Variants in CFTR observed in about 807,000 individuals in gnomAD.
CFTR encodes the protein cystic fibrosis transmembrane conductance regulator.
A neutral mutation model predicts 171.6 loss-of-function variants in CFTR; 181 were observed. The ratio of observed to expected loss-of-function variants is 1.05; its 90% CI spans 0.93 to 1.19. CFTR has a LOEUF of 1.19. CFTR is among the 50% of genes most tolerant of loss of function. CFTR has a pLI of 0.00. For missense variants in CFTR, 1,968 were observed against 1,734.7 expected, an observed-to-expected ratio of 1.13 and a Z score of -2.39; for synonymous variants, 583 against 608.0, an observed-to-expected ratio of 0.96 and a Z score of 0.60.
intron 11 of CFTR, among the ~76,000 whole-genome samples, chr7:117,570,429 A>G (rs1439904327): frequency 6.6e-6 from 1 of 152,174 alleles, no homozygotes; most frequent in Non-Finnish European, 1.5e-5. Flanking sequence ...GCTTTTCTTT[A>G]TGGGGAAGTG....
intron 1 of CFTR, among the ~76,000 whole-genome samples, chr7:117,495,707 C>A (rs910913697): frequency 6.6e-6 from 1 of 152,046 alleles, no homozygotes; most frequent in Non-Finnish European, 1.5e-5. Context: ...CTGTAGCCAC[C>A]CAGCCATTGA....
intron 24 of CFTR, among the ~76,000 whole-genome samples, chr7:117,660,960 A>C (rs1003737579): frequency 6.6e-6 from 1 of 152,166 alleles, no homozygotes; most frequent in Non-Finnish European, 1.5e-5. Context: ...ATAAACTCTC[A>C]TTAAGAGCCA....
chr7:117,559,477 T>C lies in CFTR; in HGVS notation c.1406T>C (p.Met469Thr). The part of the protein sequence containing the change: ...STGAGKTSLL[M>T]VIMGELEPSE... ...TTTTATTTCCAGACTTCACTTCTAA[T>C]GGTGATTATGGGAGAACTGGAGCCT... The change falls in exon 11 of 27, where the codon ATG becomes ACG. Residue 469 changes from methionine to threonine, a missense_variant. By Grantham distance (81) the Met-to-Thr change is moderately conservative. Transcript: ENST00000003084. 6.2e-7 allele frequency: 1 copy of C among 1,604,222 alleles called. No homozygotes were observed. Among genetic ancestry groups the C allele is most frequent in the South Asian group, 1.1e-5 (1 of 90,852 alleles).
rs570731386 is a variant in CFTR at position 117,580,172 on chromosome 7, T to G, written c.1585-7567T>G. ...CAAAAGAAAAAGAGAAAAGAAAAAA[T>G]GTTTTTTAACATATGCAGCAAAAAA... is the stretch of plus-strand genomic sequence containing the variant. On this transcript the variant is annotated intron_variant, in intron 11 of 26. Coordinates refer to ENST00000003084, the MANE Select transcript of CFTR (RefSeq NM_000492.4). Among the ~76,000 whole-genome samples the G allele has an allele frequency of 3.3e-5, 5 of 152,046 alleles. No individual in the cohort carries two copies. In the South Asian group the frequency reaches 1.0e-3, roughly 31 times the overall value.
intron 4 of CFTR, among the ~76,000 whole-genome samples, chr7:117,533,178 A>C (rs1253662364): frequency 2.6e-5 from 4 of 152,150 alleles, no homozygotes; most frequent in Non-Finnish European, 5.9e-5. Flanking sequence ...ACTCGAGATT[A>C]AGCCTGTTAC....
chr7:117,638,646 G>A (rs1450878906), intron 22 of CFTR, among the ~76,000 whole-genome samples: 1 of 151,858 alleles, frequency 6.6e-6, no homozygotes, highest in Non-Finnish European at 1.5e-5. Context: ...TAAGGCATGA[G>A]AATCACTTGA....
intron 4 of CFTR, among the ~76,000 whole-genome samples, chr7:117,532,077 TA>T (rs563899488): frequency 2.5e-3 from 344 of 138,078 alleles, no homozygotes; most frequent in South Asian, 0.011. Flanking sequence ...AGGCAGAAGT[TA>T]AAAAAAAAAA....
intron 10 of CFTR, among the ~76,000 whole-genome samples, chr7:117,553,893 T>C (rs1303749452): frequency 6.6e-6 from 1 of 152,142 alleles, no homozygotes; most frequent in Non-Finnish European, 1.5e-5. Flanking sequence ...GTCTTCCAAG[T>C]AGCAGGTGAA....
chr7:117,649,747 G>A (rs1793060290), intron 23 of CFTR, among the ~76,000 whole-genome samples: 1 of 151,968 alleles, frequency 6.6e-6, no homozygotes, highest in Non-Finnish European at 1.5e-5. Context: ...AGGAGATATG[G>A]ATGTTAAAAA....
intron 8 of CFTR, among the ~76,000 whole-genome samples, chr7:117,540,996 G>A (rs891219284): frequency 2.0e-5 from 3 of 152,118 alleles, no homozygotes; most frequent in Non-Finnish European, 4.4e-5. Context: ...TGAAGAATTG[G>A]AATAACTAGT....
intron 21 of CFTR, among the ~76,000 whole-genome samples, chr7:117,621,943 C>A (rs912400174): frequency 6.6e-6 from 1 of 152,132 alleles, no homozygotes; most frequent in Non-Finnish European, 1.5e-5. Context: ...AAATGGGCAC[C>A]AGCATATTTT....
At chr7:117,666,251 C>T (rs1297562905) in intron 26 of CFTR, among the ~76,000 whole-genome samples, 1 of 152,144 alleles carries the variant, frequency 6.6e-6, no homozygotes, top group Non-Finnish European at 1.5e-5. Context: ...TTACAAATTC[C>T]CTATGGTTTA....
intron 7 of CFTR, 152 bp downstream of exon 7, chr7:117,536,825 C>T: frequency 1.4e-6 from 1 of 700,684 alleles, no homozygotes; most frequent in Non-Finnish European, 2.4e-6. Flanking sequence ...GCATTAGTTG[C>T]ACAAATTCAC....
chr7:117,504,779 A>T (rs867113137), intron 2 of CFTR, among the ~76,000 whole-genome samples: 14 of 151,460 alleles, frequency 9.2e-5, no homozygotes, highest in Middle Eastern at 6.8e-3. Flanking sequence ...AAAAAGGAAC[A>T]TCTCATTTTC....
At chr7:117,611,889 C>A (rs1792395797) in intron 20 of CFTR, 81 bp downstream of exon 20, 10 of 917,882 alleles carry the variant, frequency 1.1e-5, no homozygotes, top group Non-Finnish European at 1.5e-5. Context: ...TATAGGTTAT[C>A]AATTTTTGAT....
chr7:117,575,451 C>T (rs1193608077), intron 11 of CFTR, among the ~76,000 whole-genome samples: 1 of 152,052 alleles, frequency 6.6e-6, no homozygotes, highest in Non-Finnish European at 1.5e-5. Flanking sequence ...ATGAGATGTG[C>T]CTTACAGAGG....
chr7:117,562,697 G>A (rs1448863143), intron 11 of CFTR, among the ~76,000 whole-genome samples: 1 of 152,118 alleles, frequency 6.6e-6, no homozygotes, highest in Non-Finnish European at 1.5e-5. Flanking sequence ...AGGCTGGTTG[G>A]GGGAAAGAGA....
chr7:117,664,853 G>C lies in CFTR; in HGVS notation c.4129G>C (p.Asp1377His), dbSNP rs150683293. 8 of 1,613,786 alleles carry C rather than the reference G, an allele frequency of 5.0e-6. No homozygotes were observed. Among genetic ancestry groups the C allele is most frequent in the Non-Finnish European group, 6.8e-6 (8 of 1,179,850 alleles). ...LLLDEPSAHL[D>H]PVTYQIIRRT... ...GCTTGATGAACCCAGTGCTCATTTG[G>C]ATCCAGTGTGAGTTTCAGATGTTCT... Residue 1377 changes from aspartate (D) to histidine (H), a missense_variant, in exon 25 of 27, where the codon GAT (aspartate) becomes CAT (histidine). Physicochemically the swap from Asp to His is moderately conservative, Grantham distance 81 (BLOSUM62 -1). Transcript: ENST00000003084.
At chr7:117,548,333 G>GGGGTGTGTGTGTGTGT (rs1554382502) in intron 9 of CFTR, among the ~76,000 whole-genome samples, 1 of 144,080 alleles carries the variant, frequency 6.9e-6, no homozygotes, top group African/African-American at 2.6e-5. Flanking sequence ...AGGAGAAGAG[G>GGGGTGTGTGTGTGTGT]GTGTGTGTGT....
Sources: allele counts gnomAD v4.1 joint callset (sites outside exome capture counted in the v4.1 genomes callset), GRCh38; gene constraint gnomAD v4.1.1; transcripts MANE v1.5; gene names NCBI Gene and HGNC (gene_info 2026-07-23, HGNC 2026-07-21).